The following AAK1 variants were observed in gnomAD, a reference collection of about 807,000 sequenced individuals.
The protein encoded by AAK1 is AP2 associated kinase 1.
AAK1 carries 37 observed loss-of-function variants against 116.0 expected under a neutral mutation model. The observed-to-expected ratio is 0.32, with a 90% confidence interval of 0.25 to 0.42. AAK1 has a LOEUF of 0.42. Ranked by LOEUF, AAK1 falls within the 10% of genes least tolerant of loss-of-function variation. AAK1 has a pLI of 1.00. For synonymous variants in AAK1, 458 were observed against 439.9 expected, an observed-to-expected ratio of 1.04 and a Z score of -0.51; for missense variants, 919 against 1,170.6, an observed-to-expected ratio of 0.79 and a Z score of 3.14.
chr2:69,517,878 T>C (rs959896128), intron 12 of AAK1, among the ~76,000 whole-genome samples: 3 of 151,246 alleles, frequency 2.0e-5, no homozygotes, highest in Non-Finnish European at 2.9e-5. Context: ...GTAATTCCGA[T>C]GATTTGGGAG....
chr2:69,565,697 G>C (rs530900870), intron 2 of AAK1, among the ~76,000 whole-genome samples: 1 of 152,250 alleles, frequency 6.6e-6, no homozygotes, highest in Non-Finnish European at 1.5e-5. Context: ...AGCTGATCAG[G>C]TGGGAGAGTG....
chr2:69,509,495 A>G, intron 13 of AAK1, 35 bp from the exon 14 acceptor site: 1 of 1,530,714 alleles, frequency 6.5e-7, no homozygotes, highest in Non-Finnish European at 8.8e-7. Flanking sequence ...GTTTCATTAA[A>G]TTAAAAAAAA....
chr2:69,516,265 T>C lies in AAK1; in HGVS notation c.1498-1516A>G, dbSNP rs574163068. On this transcript the variant is annotated intron_variant, in intron 12 of 21. Coordinates refer to ENST00000409085, the MANE Select transcript of AAK1 (RefSeq NM_014911.5). ...TATGGTTATTGCTATCTTAAAACGA[T>C]AGAACAATTAATTATCTATGTTAAT... Among the ~76,000 whole-genome samples, 8 of 148,856 alleles carry C rather than the reference T, an allele frequency of 5.4e-5. No individual in the cohort carries two copies. In the South Asian group the frequency reaches 8.5e-4, roughly 16 times the overall value.
Position 69,467,259 on chromosome 2 carries a change from T to C in AAK1, c.*8610A>G. 8 of 985,414 alleles carry C rather than the reference T, an allele frequency of 8.1e-6. No homozygotes were observed. The highest frequency in any genetic ancestry group is 8.4e-6 in the Non-Finnish European group (7 of 829,926). 61.0% of individuals were successfully genotyped at this position (985,414 alleles called of 1,614,324 possible). A position where few individuals can be genotyped will look rare whatever the true frequency, so the allele number is the denominator to read the frequency against. The stretch of plus-strand genomic sequence containing the variant: ...CTCCTCTGCTTAAATGAATCTGCCA[T>C]AAAGTTCTTTAAGCAGAAGGAGTAA... On this transcript the variant is annotated 3_prime_UTR_variant, in exon 22 of 22. Transcript: ENST00000409085.
At chr2:69,591,589 C>A (rs1205078456) in intron 2 of AAK1, among the ~76,000 whole-genome samples, 1 of 133,720 alleles carries the variant, frequency 7.5e-6, no homozygotes. Flanking sequence ...GGCGTGATCT[C>A]GGCTCACTGC....
At chr2:69,507,623 G>T in intron 14 of AAK1, 45 bp from the exon 15 acceptor site, 2 of 1,471,016 alleles carry the variant, frequency 1.4e-6, no homozygotes, top group South Asian at 1.4e-5. Context: ...TATAAAAGTT[G>T]AACAAAACAA....
At chr2:69,516,263 G>C (rs1310734897) in intron 12 of AAK1, among the ~76,000 whole-genome samples, 1 of 148,168 alleles carries the variant, frequency 6.7e-6, no homozygotes, top group Non-Finnish European at 1.5e-5. Flanking sequence ...ATCTTAAAAC[G>C]ATAGAACAAT....
At chr2:69,508,639 AT>A (rs1291590104) in intron 14 of AAK1, among the ~76,000 whole-genome samples, 1 of 152,264 alleles carries the variant, frequency 6.6e-6, no homozygotes, top group Non-Finnish European at 1.5e-5. Flanking sequence ...GCTCAAAAAA[AT>A]GTTCAGACAA....
intron 7 of AAK1, 38 bp downstream of exon 7, chr2:69,530,587 C>G (rs1670214682): frequency 3.3e-6 from 5 of 1,533,914 alleles, no homozygotes; most frequent in Non-Finnish European, 4.5e-6. Context: ...GTCAAGACTG[C>G]TGCTATCTGA....
intron 2 of AAK1, among the ~76,000 whole-genome samples, chr2:69,597,196 CT>C (rs57714615): frequency 0.12 from 17,394 of 151,246 alleles, 2,295 homozygotes; most frequent in African/African-American, 0.3. Context: ...CTGAGATTCT[CT>C]TTTTTTTTGG....
chr2:69,534,459 C>A (rs963903309), intron 5 of AAK1, among the ~76,000 whole-genome samples: 1 of 152,218 alleles, frequency 6.6e-6, no homozygotes. Context: ...AATGCCCCCA[C>A]AATAGAAATC....
chr2:69,528,371 G>C (rs759684881), intron 8 of AAK1, among the ~76,000 whole-genome samples: 1 of 152,184 alleles, frequency 6.6e-6, no homozygotes, highest in Non-Finnish European at 1.5e-5. Flanking sequence ...TGGTGAGGGT[G>C]TGCTGGATGG....
intron 5 of AAK1, among the ~76,000 whole-genome samples, chr2:69,542,267 T>C (rs373794650): frequency 1.8e-4 from 28 of 152,192 alleles, no homozygotes; most frequent in East Asian, 9.6e-4. Context: ...GGGGGGAGTA[T>C]ATCAGGAAAA....
intron 13 of AAK1, 127 bp downstream of exon 13, chr2:69,514,344 T>C: frequency 1.6e-6 from 2 of 1,233,252 alleles, no homozygotes; most frequent in East Asian, 2.6e-5. Context: ...GATCAAATAA[T>C]TGAACCACCC....
chr2:69,551,378 A>T (rs1671177468), intron 3 of AAK1, among the ~76,000 whole-genome samples: 1 of 152,186 alleles, frequency 6.6e-6, no homozygotes, highest in Non-Finnish European at 1.5e-5. Flanking sequence ...CATCCTGTAC[A>T]TGTACCCTGG....
chr2:69,624,354 A>AAC (rs965031870), intron 2 of AAK1, among the ~76,000 whole-genome samples: 8 of 152,260 alleles, frequency 5.3e-5, no homozygotes, highest in African/African-American at 1.9e-4. Flanking sequence ...AGTAAATTGC[A>AAC]ACATCTCCAA....
At position 69,471,320 on chromosome 2, in the gene AAK1, G is replaced by A. The variant is rs1674668902; in HGVS notation, c.*4549C>T. The A allele has an allele frequency of 1.0e-6, 1 of 985,346 alleles. No individual in the cohort carries two copies. The highest frequency in any genetic ancestry group is 1.7e-5 in the African/African-American group (1 of 57,254). 61.0% of individuals were successfully genotyped at this position (985,346 alleles called of 1,614,324 possible). A position where few individuals can be genotyped will look rare whatever the true frequency, so the allele number is the denominator to read the frequency against. On this transcript the variant is annotated 3_prime_UTR_variant, in exon 22 of 22. Coordinates refer to ENST00000409085, the MANE Select transcript of AAK1 (RefSeq NM_014911.5). ...GAAAGGAAATCTGGGAGAAGCAAAA[G>A]AGGTTTCTTGTTATAGATTTCCTAG...
chr2:69,593,028 A>G (rs1673102823), intron 2 of AAK1, among the ~76,000 whole-genome samples: 1 of 152,206 alleles, frequency 6.6e-6, no homozygotes. Context: ...TTGCATTTTT[A>G]GTATTAAAGA....
chr2:69,481,918 G>A (rs986104800), intron 18 of AAK1: 5 of 152,174 alleles, frequency 3.3e-5, no homozygotes, highest in Admixed American at 6.5e-5. Flanking sequence ...GTGATCTTCC[G>A]TCTCAGCCTC....
Sources: gnomAD v4.1 joint callset for allele counts (sites outside exome capture counted in the v4.1 genomes callset) on GRCh38, gnomAD v4.1.1 for gene constraint, MANE v1.5 for transcripts, NCBI Gene and HGNC (gene_info 2026-07-23, HGNC 2026-07-21) for gene names.